The following SGCZ variants were observed in gnomAD, a reference collection of about 807,000 sequenced individuals.
The protein encoded by SGCZ is zeta-sarcoglycan.
SGCZ carries 40 observed loss-of-function variants against 41.3 expected under a neutral mutation model. That is an observed-to-expected ratio of 0.97 (90% CI 0.75 to 1.26). The LOEUF is 1.26. Ranked by LOEUF, SGCZ falls within the 50% of genes most tolerant of loss-of-function variation. SGCZ has a pLI of 0.00. For missense variants in SGCZ, 552 were observed against 369.8 expected (o/e 1.49, Z -4.04); for synonymous variants, 206 against 137.5 (o/e 1.50, Z -3.49).
intron 1 of SGCZ, among the ~76,000 whole-genome samples, chr8:14,854,584 A>C (rs1319903858): frequency 6.6e-6 from 1 of 152,172 alleles, no homozygotes. Flanking sequence ...TTATTTTTCA[A>C]TAGTCATCGT....
At chr8:14,864,635 G>T (rs1197024994) in intron 1 of SGCZ, among the ~76,000 whole-genome samples, 1 of 152,070 alleles carries the variant, frequency 6.6e-6, no homozygotes, top group East Asian at 1.9e-4. Context: ...ATAATAACAG[G>T]TAACATGTAC....
chr8:15,044,655 C>A (rs115879753), intron 1 of SGCZ, among the ~76,000 whole-genome samples: 1 of 151,856 alleles, frequency 6.6e-6, no homozygotes, highest in Non-Finnish European at 1.5e-5. Flanking sequence ...ATAGGTTATA[C>A]GAAAATGATT....
intron 1 of SGCZ, among the ~76,000 whole-genome samples, chr8:14,789,834 A>G (rs1358990835): frequency 6.6e-6 from 1 of 152,140 alleles, no homozygotes; most frequent in Non-Finnish European, 1.5e-5. Flanking sequence ...CACTTACCAC[A>G]GTAAAATTTT....
chr8:14,850,561 G>A (rs1241998831), intron 1 of SGCZ, among the ~76,000 whole-genome samples: 1 of 152,170 alleles, frequency 6.6e-6, no homozygotes, highest in African/African-American at 2.4e-5. Flanking sequence ...TTATATACAA[G>A]ACATGGAGCT....
intron 4 of SGCZ, among the ~76,000 whole-genome samples, chr8:14,197,601 A>T (rs1049306575): frequency 1.3e-5 from 2 of 152,140 alleles, no homozygotes; most frequent in Admixed American, 6.6e-5. Context: ...TTCTGTCAAA[A>T]TTCAAATTAC....
chr8:15,199,001 G>C (rs185171874), intron 1 of SGCZ, among the ~76,000 whole-genome samples: 1 of 152,246 alleles, frequency 6.6e-6, no homozygotes, highest in East Asian at 1.9e-4. Context: ...ATTTTATCTT[G>C]TAAATTCTAC....
intron 2 of SGCZ, among the ~76,000 whole-genome samples, chr8:14,450,725 T>G (rs1037103223): frequency 4.6e-5 from 7 of 152,300 alleles, no homozygotes; most frequent in Non-Finnish European, 1.0e-4. Flanking sequence ...AGTTTAAAGC[T>G]CTCATCTCTG....
At chr8:14,108,141 A>C in intron 6 of SGCZ, 22 bp downstream of exon 6, 1 of 1,608,684 alleles carries the variant, frequency 6.2e-7, no homozygotes, top group Non-Finnish European at 8.5e-7. Context: ...TTTATGCCAC[A>C]GGTATAAGAG....
At chr8:15,074,386 C>G (rs982370358) in intron 1 of SGCZ, among the ~76,000 whole-genome samples, 1 of 152,152 alleles carries the variant, frequency 6.6e-6, no homozygotes, top group African/African-American at 2.4e-5. Flanking sequence ...ACAGTTACAA[C>G]TCATTATCAT....
chr8:14,635,651 G>T (rs931040514), intron 1 of SGCZ, among the ~76,000 whole-genome samples: 1 of 151,490 alleles, frequency 6.6e-6, no homozygotes, highest in Non-Finnish European at 1.5e-5. Flanking sequence ...TCCTCAGTTT[G>T]TCCAACATAT....
intron 1 of SGCZ, among the ~76,000 whole-genome samples, chr8:14,909,987 T>G (rs947056215): frequency 3.9e-5 from 6 of 152,212 alleles, no homozygotes; most frequent in African/African-American, 1.4e-4. Context: ...TCAGTTAATC[T>G]CTCCATTTTT....
intron 1 of SGCZ, among the ~76,000 whole-genome samples, chr8:14,717,128 C>T (rs574496654): frequency 7.2e-5 from 11 of 151,924 alleles, no homozygotes; most frequent in East Asian, 1.9e-4. Flanking sequence ...AAAGGAACTA[C>T]GACAATTAGA....
chr8:14,209,770 C>T (rs1031349656), intron 4 of SGCZ, among the ~76,000 whole-genome samples: 1 of 152,076 alleles, frequency 6.6e-6, no homozygotes, highest in South Asian at 2.1e-4. Context: ...TAAACGAGAG[C>T]TGGGATCAAA....
intron 1 of SGCZ, among the ~76,000 whole-genome samples, chr8:14,840,241 G>A (rs1802855477): frequency 6.6e-6 from 1 of 152,126 alleles, no homozygotes; most frequent in African/African-American, 2.4e-5. Context: ...AGGGTTGCCA[G>A]TGAAGTCTCC....
intron 1 of SGCZ, among the ~76,000 whole-genome samples, chr8:14,911,867 T>G (rs1904849): frequency 0.34 from 52,219 of 151,630 alleles, 11,383 homozygotes; most frequent in African/African-American, 0.63. Context: ...GCCTTGAAAG[T>G]CTAAATAATA....
intron 1 of SGCZ, among the ~76,000 whole-genome samples, chr8:15,214,926 A>G (rs1480657763): frequency 6.6e-6 from 1 of 152,186 alleles, no homozygotes; most frequent in Non-Finnish European, 1.5e-5. Context: ...GCAGATAATG[A>G]GACTGTGATG....
chr8:14,545,014 C>T (rs1326100784), intron 2 of SGCZ, among the ~76,000 whole-genome samples: 3 of 152,088 alleles, frequency 2.0e-5, no homozygotes, highest in Non-Finnish European at 4.4e-5. Flanking sequence ...TGGTCTGAAA[C>T]TCAGGCGAGC....
chr8:15,006,528 G>A (rs1347232881), intron 1 of SGCZ, among the ~76,000 whole-genome samples: 1 of 152,148 alleles, frequency 6.6e-6, no homozygotes, highest in Non-Finnish European at 1.5e-5. Flanking sequence ...CTGATCATTA[G>A]CCATTGTTTA....
At chr8:14,190,659 G>C (rs954244302) in intron 4 of SGCZ, among the ~76,000 whole-genome samples, 1 of 152,024 alleles carries the variant, frequency 6.6e-6, no homozygotes, top group East Asian at 1.9e-4. Flanking sequence ...CTGGAGTGCA[G>C]TGACGCGATC....
Sources: allele counts gnomAD v4.1 joint callset (sites outside exome capture counted in the v4.1 genomes callset), GRCh38; gene constraint gnomAD v4.1.1; transcripts MANE v1.5; gene names NCBI Gene and HGNC (gene_info 2026-07-23, HGNC 2026-07-21).